CSMD1: variants seen among roughly 807,000 people sequenced by gnomAD.
The protein encoded by CSMD1 is CUB and sushi domain-containing protein 1.
In CSMD1, 213 loss-of-function variants were observed where a neutral mutation model predicts 417.5. That is an observed-to-expected ratio of 0.51 (90% CI 0.46 to 0.57). The LOEUF is 0.57. Ranked by LOEUF, CSMD1 falls within the 20% of genes least tolerant of loss-of-function variation. The pLI is 0.00. For missense variants in CSMD1, 6,923 were observed against 4,529.7 expected (o/e 1.53, Z -15.17); for synonymous variants, 2,862 against 1,736.8 (o/e 1.65, Z -16.11).
intron 12 of CSMD1, among the ~76,000 whole-genome samples, chr8:3,467,883 G>A (rs921543806): frequency 2.0e-5 from 3 of 151,994 alleles, no homozygotes; most frequent in Non-Finnish European, 4.4e-5. Flanking sequence ...GTATACACTT[G>A]GGAAATAAGA....
intron 1 of CSMD1, among the ~76,000 whole-genome samples, chr8:4,889,528 G>A (rs1289309830): frequency 6.6e-6 from 1 of 151,968 alleles, no homozygotes; most frequent in African/African-American, 2.4e-5. Flanking sequence ...ACAGGAAGTT[G>A]TATGAAAGGT....
chr8:3,353,325 G>T (rs1015641735), intron 21 of CSMD1, among the ~76,000 whole-genome samples: 2 of 152,174 alleles, frequency 1.3e-5, no homozygotes, highest in South Asian at 2.1e-4. Flanking sequence ...TAAATCAGAA[G>T]AATTCTTGCG....
At chr8:3,791,250 T>G (rs1372361680) in intron 5 of CSMD1, among the ~76,000 whole-genome samples, 1 of 152,196 alleles carries the variant, frequency 6.6e-6, no homozygotes, top group East Asian at 1.9e-4. Context: ...GATTCTATAA[T>G]TATATCCAAA....
chr8:4,895,452 T>A (rs904072573), intron 1 of CSMD1, among the ~76,000 whole-genome samples: 42 of 152,156 alleles, frequency 2.8e-4, no homozygotes, highest in African/African-American at 9.4e-4. Context: ...ATCAACATTG[T>A]TATTCTGCTT....
intron 1 of CSMD1, among the ~76,000 whole-genome samples, chr8:4,706,643 A>C (rs1401245352): frequency 1.3e-5 from 2 of 152,242 alleles, no homozygotes; most frequent in African/African-American, 2.4e-5. Flanking sequence ...GGAGTGAAGA[A>C]ATAAAGATAA....
At chr8:4,771,591 T>C (rs1796600035) in intron 1 of CSMD1, among the ~76,000 whole-genome samples, 1 of 152,172 alleles carries the variant, frequency 6.6e-6, no homozygotes, top group African/African-American at 2.4e-5. Context: ...GATGTTGAAA[T>C]ATTGAGTAAT....
rs114812430 is a variant in CSMD1, at chr8:3,519,695, T to C, written c.1345-25969A>G. Among the ~76,000 whole-genome samples, 934 of 152,288 alleles carry C rather than the reference T, an allele frequency of 6.1e-3. 8 individuals are homozygous for C. The highest frequency in any genetic ancestry group is 0.021 in the African/African-American group (862 of 41,556). ...GGCCATGGCTGCTTCATTAATTTAA[T>C]GAATAAAGTGGTGCACGCTATACAA... On this transcript the variant is annotated intron_variant, in intron 10 of 69. Coordinates refer to ENST00000635120, the MANE Select transcript of CSMD1 (RefSeq NM_033225.6).
intron 7 of CSMD1, among the ~76,000 whole-genome samples, chr8:3,694,651 C>T (rs1023305592): frequency 1.3e-5 from 2 of 151,778 alleles, no homozygotes; most frequent in African/African-American, 2.4e-5. Flanking sequence ...GGTGGGTGGA[C>T]ACAGCAGTGG....
chr8:3,294,639 C>A (rs575476853), intron 25 of CSMD1, among the ~76,000 whole-genome samples: 1 of 152,184 alleles, frequency 6.6e-6, no homozygotes, highest in African/African-American at 2.4e-5. Flanking sequence ...ATATAATCTC[C>A]TGGTGTGCCG....
At chr8:3,323,785 T>C (rs796870972) in intron 23 of CSMD1, among the ~76,000 whole-genome samples, 4 of 128,704 alleles carry the variant, frequency 3.1e-5, no homozygotes, top group African/African-American at 8.7e-5. Flanking sequence ...TAGGCCCACA[T>C]CCAACCCCAG....
intron 34 of CSMD1, 60 bp from the exon 35 acceptor site, chr8:3,189,071 T>A (rs1186870543): frequency 6.7e-7 from 1 of 1,493,350 alleles, no homozygotes. Flanking sequence ...TGATTTGGCA[T>A]GCAGTTTTCT....
intron 10 of CSMD1, among the ~76,000 whole-genome samples, chr8:3,568,255 A>G (rs902461943): frequency 6.6e-6 from 1 of 152,120 alleles, no homozygotes; most frequent in South Asian, 2.1e-4. Context: ...AGTTTCACAT[A>G]TTTTGTTTTA....
chr8:4,028,837 T>C (rs994370193), intron 4 of CSMD1, among the ~76,000 whole-genome samples: 2 of 152,244 alleles, frequency 1.3e-5, no homozygotes, highest in South Asian at 2.1e-4. Context: ...ATGTTAGGTA[T>C]GCTTTTAATT....
At position 2,973,229 on chromosome 8, in the gene CSMD1, C is replaced by A; in HGVS notation, c.8811G>T (p.Lys2937Asn). 1 of 1,613,946 alleles carries A rather than the reference C, an allele frequency of 6.2e-7. No homozygotes were observed. Among genetic ancestry groups the A allele is most frequent in the Non-Finnish European group, 8.5e-7 (1 of 1,179,864 alleles). Reference sequence around the variant, plus strand: ...AGGAGAAGCGGAGAAGACTCTTTGTCTTAAAGTCATCACCAAGCCGAGACC... The same window carrying A: ...AGGAGAAGCGGAGAAGACTCTTTGTATTAAAGTCATCACCAAGCCGAGACC... ...AHGSRLGDDF[K>N]TKSLLRFSCE... is the part of the protein sequence containing the mutation. Residue 2937 changes from lysine (K) to asparagine (N), a missense_variant, in exon 57 of 70, where the codon AAG (lysine) becomes AAT (asparagine). Transcript: ENST00000635120.
chr8:3,541,738 A>G (rs1465290346), intron 10 of CSMD1, among the ~76,000 whole-genome samples: 1 of 144,018 alleles, frequency 6.9e-6, no homozygotes, highest in East Asian at 2.0e-4. Context: ...ATTATAAAAT[A>G]TTATATAAAT....
rs567024748 is a variant in CSMD1 at position 3,897,526 on chromosome 8, G to A, written c.818+100377C>T. On this transcript the variant is annotated intron_variant, in intron 5 of 69. Coordinates refer to ENST00000635120, the MANE Select transcript of CSMD1 (RefSeq NM_033225.6). The stretch of plus-strand genomic sequence containing the variant: ...CATAAACTTGGAATGCTTAAAGCCT[G>A]TGTACACTATAAGTTATATAAATAA... 1.8e-3 allele frequency among the ~76,000 whole-genome samples: 267 copies of A among 151,864 alleles called. 2 individuals carry two copies. The highest frequency in any genetic ancestry group is 1.6e-3 in the Non-Finnish European group (111 of 67,982).
At chr8:3,443,547 G>C (rs183793557) in intron 12 of CSMD1, among the ~76,000 whole-genome samples, 49 of 152,312 alleles carry the variant, frequency 3.2e-4, no homozygotes, top group African/African-American at 9.6e-4. Flanking sequence ...CTACAAATTA[G>C]TATTTACAGG....
chr8:4,719,230 T>C (rs1177941408), intron 1 of CSMD1, among the ~76,000 whole-genome samples: 2 of 152,208 alleles, frequency 1.3e-5, no homozygotes, highest in Non-Finnish European at 2.9e-5. Flanking sequence ...CACATTGTCA[T>C]GTTTTAGATT....
rs533514397 is a variant in CSMD1, at chr8:4,609,730, A to C, written c.302+27612T>G. Among the ~76,000 whole-genome samples the C allele has an allele frequency of 1.7e-3, 266 of 152,336 alleles. 1 individual carries two copies. Among genetic ancestry groups the C allele is most frequent in the Non-Finnish European group, 2.2e-3 (152 of 68,032 alleles). On this transcript the variant is annotated intron_variant, in intron 2 of 69. Transcript: ENST00000635120. The stretch of plus-strand genomic sequence containing the variant: ...AGAGCAATTTAAACAAGAAAACAGA[A>C]AAAAGTCAAAGAAGAAAGAAGCAGG...
Sources: allele counts gnomAD v4.1 joint callset (sites outside exome capture counted in the v4.1 genomes callset), GRCh38; gene constraint gnomAD v4.1.1; transcripts MANE v1.5; gene names NCBI Gene and HGNC (gene_info 2026-07-23, HGNC 2026-07-21).